Variants in CDC14A observed in about 807,000 individuals in gnomAD.
CDC14A encodes the protein cell division cycle 14A.
In CDC14A, 53 loss-of-function variants were observed where a neutral mutation model predicts 74.4. That is an observed-to-expected ratio of 0.71 (90% CI 0.57 to 0.89). The LOEUF (loss-of-function observed/expected upper bound fraction) is 0.89, where lower values mean the gene tolerates loss of function less well. Ranked by LOEUF, CDC14A falls within the 40% of genes least tolerant of loss-of-function variation. CDC14A has a pLI of 0.00. For synonymous variants in CDC14A, 247 were observed against 258.4 expected (o/e 0.96, Z 0.43); for missense variants, 646 against 713.7 (o/e 0.91, Z 1.08).
chr1:100,498,065 T>C lies in CDC14A; in HGVS notation c.1299-20T>C, dbSNP rs368108531. The C allele has an allele frequency of 6.2e-7, 1 of 1,605,052 alleles. No homozygotes were observed. The highest frequency in any genetic ancestry group is 8.5e-7 in the Non-Finnish European group (1 of 1,177,182). On this transcript the variant is annotated intron_variant, in intron 13 of 15. Coordinates refer to ENST00000336454, the MANE Select transcript of CDC14A (RefSeq NM_003672.4). ...ATAAGACTACTTTATTGTGACACTT[T>C]GCCATTTTTCTCCGCAAAGATTAAG...
At chr1:100,438,185 C>T (rs1320754080) in intron 5 of CDC14A, among the ~76,000 whole-genome samples, 1 of 151,948 alleles carries the variant, frequency 6.6e-6, no homozygotes, top group Non-Finnish European at 1.5e-5. Flanking sequence ...AGACTTGCCA[C>T]TAGATCTTGT....
intron 6 of CDC14A, among the ~76,000 whole-genome samples, chr1:100,442,669 TACAA>T (rs1189552335): frequency 6.6e-6 from 1 of 152,074 alleles, no homozygotes; most frequent in African/African-American, 2.4e-5. Context: ...TAATTTTACA[TACAA>T]AACTGATGTA....
chr1:100,425,234 C>T (rs1373623028), intron 5 of CDC14A, among the ~76,000 whole-genome samples: 1 of 152,116 alleles, frequency 6.6e-6, no homozygotes, highest in African/African-American at 2.4e-5. Flanking sequence ...TAACACTTAC[C>T]TCTGCTAGAA....
chr1:100,452,189 C>CT (rs1666209864), intron 7 of CDC14A, among the ~76,000 whole-genome samples: 1 of 152,086 alleles, frequency 6.6e-6, no homozygotes, highest in African/African-American at 2.4e-5. Context: ...GTGACCATTA[C>CT]TATAGAGTCA....
At chr1:100,402,138 G>GAAA (rs34408247) in intron 4 of CDC14A, among the ~76,000 whole-genome samples, 3 of 141,754 alleles carry the variant, frequency 2.1e-5, no homozygotes, top group Admixed American at 2.1e-4. Context: ...CATTCATTAT[G>GAAA]AAAAAAAAAA....
intron 11 of CDC14A, among the ~76,000 whole-genome samples, chr1:100,487,572 G>GAAACAAAACAA (rs3081857): frequency 0.013 from 1,983 of 151,070 alleles, 22 homozygotes; most frequent in African/African-American, 0.026. Context: ...AAACAAAACA[G>GAAACAAAACAA]AACAAAACAA....
chr1:100,364,295 C>A (rs1653249523), intron 2 of CDC14A, among the ~76,000 whole-genome samples: 1 of 151,696 alleles, frequency 6.6e-6, no homozygotes, highest in Admixed American at 6.6e-5. Context: ...GCAACCTCTG[C>A]CTCCCAGGTT....
upstream of CDC14A, among the ~76,000 whole-genome samples, chr1:100,348,265 G>C (rs1263930873): frequency 1.5e-5 from 2 of 134,802 alleles, no homozygotes; most frequent in Admixed American, 1.6e-4. Context: ...CTGGGCAACA[G>C]AGCAAGACTC....
At chr1:100,497,437 AGCCAAAGAGTTTCTATAG>A (rs1648015997) in intron 13 of CDC14A, among the ~76,000 whole-genome samples, 1 of 152,242 alleles carries the variant, frequency 6.6e-6, no homozygotes, top group African/African-American at 2.4e-5. Flanking sequence ...GCATATGCCA[AGCCAAAGAGTTTCTATAG>A]GCTTGTGGGC....
intron 11 of CDC14A, 99 bp downstream of exon 11, chr1:100,484,550 G>A: frequency 1.5e-6 from 2 of 1,358,954 alleles, no homozygotes; most frequent in South Asian, 2.3e-5. Context: ...TTCTCTGGAT[G>A]CCACGAGTAC....
intron 13 of CDC14A, among the ~76,000 whole-genome samples, 183 bp from the exon 14 acceptor site, chr1:100,497,902 G>C (rs1383350864): frequency 1.4e-5 from 2 of 145,758 alleles, no homozygotes; most frequent in Non-Finnish European, 3.1e-5. Context: ...ACATCTTTAA[G>C]GTTCTTAGAA....
intron 3 of CDC14A, among the ~76,000 whole-genome samples, chr1:100,380,423 C>T (rs1198888475): frequency 1.3e-5 from 2 of 152,218 alleles, no homozygotes; most frequent in African/African-American, 4.8e-5. Flanking sequence ...CCCCAGCTAC[C>T]TGACCTTGTT....
At chr1:100,437,846 G>T (rs899813442) in intron 5 of CDC14A, among the ~76,000 whole-genome samples, 3 of 151,942 alleles carry the variant, frequency 2.0e-5, no homozygotes, top group Admixed American at 1.3e-4. Flanking sequence ...AAGAATAAGG[G>T]ATACCTCTAC....
chr1:100,348,951 T>C (rs1171582627), upstream of CDC14A, among the ~76,000 whole-genome samples: 5 of 152,182 alleles, frequency 3.3e-5, no homozygotes, highest in African/African-American at 9.6e-5. Flanking sequence ...TTCCAGCACT[T>C]TGGGATCCTG....
chr1:100,356,709 C>T (rs956243794), intron 2 of CDC14A, among the ~76,000 whole-genome samples: 8 of 151,826 alleles, frequency 5.3e-5, no homozygotes, highest in Admixed American at 5.2e-4. Flanking sequence ...CAAAAATTAG[C>T]TGGGCATGGT....
intron 5 of CDC14A, among the ~76,000 whole-genome samples, chr1:100,431,000 A>C (rs992369285): frequency 6.6e-6 from 1 of 152,188 alleles, no homozygotes; most frequent in South Asian, 2.1e-4. Flanking sequence ...GGGATGTGCC[A>C]ATTTCCTGAG....
At chr1:100,456,738 C>A (rs928634337) in intron 8 of CDC14A, among the ~76,000 whole-genome samples, 1 of 151,936 alleles carries the variant, frequency 6.6e-6, no homozygotes, top group African/African-American at 2.4e-5. Flanking sequence ...ATAATTTGAG[C>A]TTTCATAAAT....
At chr1:100,359,028 C>G (rs1324794371) in intron 2 of CDC14A, among the ~76,000 whole-genome samples, 3 of 152,092 alleles carry the variant, frequency 2.0e-5, no homozygotes, top group Non-Finnish European at 4.4e-5. Flanking sequence ...TCTGATAGAG[C>G]CTTACGGTCA....
intron 1 of CDC14A, among the ~76,000 whole-genome samples, chr1:100,345,522 A>T (rs1255054740): frequency 1.3e-5 from 2 of 152,158 alleles, no homozygotes; most frequent in Non-Finnish European, 2.9e-5. Flanking sequence ...TGGGAGAGAG[A>T]TACCTGAAAA....
Sources: gnomAD v4.1 joint callset for allele counts (sites outside exome capture counted in the v4.1 genomes callset) on GRCh38, gnomAD v4.1.1 for gene constraint, MANE v1.5 for transcripts, NCBI Gene and HGNC (gene_info 2026-07-23, HGNC 2026-07-21) for gene names.